Variants in SKIC3 observed in about 807,000 individuals in gnomAD.
The protein encoded by SKIC3 is superkiller complex protein 3.
At chr5:95,546,961 C>G in the SKIC3 span, 1 of 1,237,678 alleles carries the variant, frequency 8.1e-7, no homozygotes. Context: ...GGCCTTACCA[C>G]TTTTGCTGTT....
chr5:95,480,434 C>T, the SKIC3 span, among the ~76,000 whole-genome samples: 12 of 152,050 alleles, frequency 7.9e-5, no homozygotes, highest in African/African-American at 2.9e-4. Context: ...TCCAAAGGCT[C>T]AATAAGCATA....
At chr5:95,509,095 T>C in the SKIC3 span, among the ~76,000 whole-genome samples, 2 of 152,176 alleles carry the variant, frequency 1.3e-5, no homozygotes, top group Non-Finnish European at 2.9e-5. Flanking sequence ...TGGGAACACA[T>C]CTTTTCATCT....
At chr5:95,490,379 T>C in the SKIC3 span, among the ~76,000 whole-genome samples, 1 of 148,934 alleles carries the variant, frequency 6.7e-6, no homozygotes, top group East Asian at 1.9e-4. Flanking sequence ...ACAAACATTT[T>C]ACTATGGATT....
At chr5:95,469,577 A>T in the SKIC3 span, among the ~76,000 whole-genome samples, 3 of 152,212 alleles carry the variant, frequency 2.0e-5, no homozygotes, top group African/African-American at 7.2e-5. Context: ...TTGCCTTTTT[A>T]AACAAATATA....
the SKIC3 span, among the ~76,000 whole-genome samples, chr5:95,485,641 G>T: frequency 6.6e-6 from 1 of 152,276 alleles, no homozygotes; most frequent in African/African-American, 2.4e-5. Context: ...GATGTCAGAA[G>T]TGTTACTATC....
At chr5:95,523,064 A>G in the SKIC3 span, 8 of 1,205,286 alleles carry the variant, frequency 6.6e-6, no homozygotes, top group African/African-American at 1.1e-4. Context: ...CCCTGCAAAC[A>G]ATAAACACCA....
the SKIC3 span, chr5:95,503,858 G>A: frequency 1.2e-6 from 2 of 1,613,808 alleles, no homozygotes; most frequent in South Asian, 1.1e-5. Flanking sequence ...TAAAGCCAAT[G>A]CAAAACCTAT....
chr5:95,482,229 G>A, the SKIC3 span, among the ~76,000 whole-genome samples: 4 of 152,140 alleles, frequency 2.6e-5, no homozygotes, highest in East Asian at 1.9e-4. Context: ...TTTCATCACC[G>A]TTTTAAAGTG....
the SKIC3 span, chr5:95,542,022 A>G: frequency 2.8e-6 from 2 of 720,952 alleles, no homozygotes; most frequent in Non-Finnish European, 4.6e-6. Context: ...AAAAAGGATT[A>G]TTATAATTTA....
the SKIC3 span, among the ~76,000 whole-genome samples, chr5:95,534,634 G>C: frequency 6.6e-6 from 1 of 152,104 alleles, no homozygotes; most frequent in Non-Finnish European, 1.5e-5. Context: ...TTTCCCTGTC[G>C]TCTTGTGTTG....
At chr5:95,478,771 G>A in the SKIC3 span, among the ~76,000 whole-genome samples, 1 of 152,022 alleles carries the variant, frequency 6.6e-6, no homozygotes, top group Non-Finnish European at 1.5e-5. Context: ...TAAAGAAAAA[G>A]ATTAATAGAT....
At chr5:95,519,559 A>G in the SKIC3 span, among the ~76,000 whole-genome samples, 1 of 152,072 alleles carries the variant, frequency 6.6e-6, no homozygotes, top group Non-Finnish European at 1.5e-5. Flanking sequence ...AAAAATGAGA[A>G]GAGAGGAAAA....
At chr5:95,551,285 T>C in the SKIC3 span, among the ~76,000 whole-genome samples, 1 of 151,940 alleles carries the variant, frequency 6.6e-6, no homozygotes, top group African/African-American at 2.4e-5. Flanking sequence ...CAATCTAGAA[T>C]GGTCCCTGCA....
the SKIC3 span, among the ~76,000 whole-genome samples, chr5:95,469,432 T>C: frequency 6.6e-6 from 1 of 152,348 alleles, no homozygotes; most frequent in Middle Eastern, 3.4e-3. Flanking sequence ...TGGGGTCTTT[T>C]GGTTTTGTTT....
the SKIC3 span, among the ~76,000 whole-genome samples, chr5:95,511,685 CTTT>C: frequency 6.6e-6 from 1 of 152,040 alleles, no homozygotes; most frequent in African/African-American, 2.4e-5. Context: ...CTCCTTGCTT[CTTT>C]ATTAGCATTT....
the SKIC3 span, among the ~76,000 whole-genome samples, chr5:95,527,801 T>C: frequency 6.6e-6 from 1 of 152,230 alleles, no homozygotes; most frequent in South Asian, 2.1e-4. Flanking sequence ...AATAGTCTTA[T>C]ATGATGAGTA....
At chr5:95,485,859 C>A in the SKIC3 span, among the ~76,000 whole-genome samples, 1 of 152,048 alleles carries the variant, frequency 6.6e-6, no homozygotes, top group East Asian at 1.9e-4. Context: ...TGGACCTCAA[C>A]AGAAAAGTGA....
At chr5:95,467,715 A>T in the SKIC3 span, 1 of 1,101,210 alleles carries the variant, frequency 9.1e-7, no homozygotes, top group Non-Finnish European at 1.3e-6. Context: ...GTAGTCTTTT[A>T]TTAGCCAAAA....
chr5:95,520,579 T>C, the SKIC3 span: 4 of 671,222 alleles, frequency 6.0e-6, no homozygotes, highest in Admixed American at 6.1e-5. Flanking sequence ...TGTTATAGAA[T>C]TGGCTTGTCT....
Sources: allele counts gnomAD v4.1 joint callset (sites outside exome capture counted in the v4.1 genomes callset), GRCh38; gene constraint gnomAD v4.1.1; transcripts MANE v1.5; gene names NCBI Gene and HGNC (gene_info 2026-07-23, HGNC 2026-07-21).